Variants in LRP1B observed in about 807,000 individuals in gnomAD.
LRP1B encodes low-density lipoprotein receptor-related protein 1B.
Under a neutral mutation model 556.6 loss-of-function variants are expected in LRP1B, and 217 were observed. The ratio of observed to expected loss-of-function variants is 0.39; its 90% CI spans 0.35 to 0.44. The LOEUF (loss-of-function observed/expected upper bound fraction) is 0.44. LRP1B is among the 20% of genes least tolerant of loss of function. The pLI is 1.00. For missense variants in LRP1B, 5,053 were observed against 5,620.8 expected (o/e 0.90, Z 3.23); for synonymous variants, 2,047 against 1,865.8 (o/e 1.10, Z -2.50).
chr2:141,013,757 A>G lies in LRP1B; in HGVS notation c.2191-12T>C, dbSNP rs1455341769. ...CCACTGTAAACAATCTGTAAAATAT[A>G]AACACATTGTGAAAAATCAGAACTG... On this transcript the variant is annotated splice_polypyrimidine_tract_variant and intron_variant, in intron 13 of 90. Transcript: ENST00000389484. 4.7e-6 allele frequency: 7 copies of G among 1,493,770 alleles called. No individual in the cohort carries two copies. Among genetic ancestry groups the G allele is most frequent in the African/African-American group, 1.4e-5 (1 of 70,046 alleles). 92.5% of individuals were successfully genotyped at this position (1,493,770 alleles called of 1,614,324 possible).
In LRP1B at chr2:141,312,794, T is replaced by C. The variant is rs552179953; in HGVS notation, c.344-58153A>G. On this transcript the variant is annotated intron_variant, in intron 3 of 90. Transcript: ENST00000389484. ...GCCTCTGCCTCCCAGGTTCAAGAGA[T>C]TCTCTTGCCTCAGCCTCCTGAGTAG... Among the ~76,000 whole-genome samples, 4 of 152,172 alleles carry C rather than the reference T, an allele frequency of 2.6e-5. No individual in the cohort carries two copies. The South Asian group carries it at 8.3e-4, about 32-fold the overall frequency.
chr2:140,498,142 TAAAAA>T lies in LRP1B; in HGVS notation c.8851-2399_8851-2395del, dbSNP rs1255591137. Among the ~76,000 whole-genome samples the T allele has an allele frequency of 5.9e-5, 9 of 152,010 alleles. No homozygotes were observed. In the East Asian group the frequency reaches 1.7e-3, roughly 29 times the overall value. Reference sequence around the variant, plus strand: ...TAAGATTAGAATGTTCTCTTTCACTTAAAAAAGACAATTTTTATGAAAGTGAGAAT... The same window carrying T: ...TAAGATTAGAATGTTCTCTTTCACTTAGACAATTTTTATGAAAGTGAGAAT... On this transcript the variant is annotated intron_variant, in intron 55 of 90. Coordinates refer to ENST00000389484, the MANE Select transcript of LRP1B (RefSeq NM_018557.3).
intron 7 of LRP1B, among the ~76,000 whole-genome samples, chr2:141,095,405 C>T (rs1421899796): frequency 2.2e-5 from 2 of 90,200 alleles, no homozygotes; most frequent in Non-Finnish European, 5.3e-5. Context: ...GGGTAGTAAT[C>T]GTAATGAAGT....
chr2:141,329,913 T>G (rs934422671), intron 3 of LRP1B, among the ~76,000 whole-genome samples: 5 of 152,152 alleles, frequency 3.3e-5, no homozygotes, highest in African/African-American at 1.2e-4. Flanking sequence ...AATTTGTGTC[T>G]ACCTACTCTA....
chr2:141,704,116 G>T (rs1692053732), intron 2 of LRP1B, among the ~76,000 whole-genome samples: 1 of 151,924 alleles, frequency 6.6e-6, no homozygotes. Flanking sequence ...AATGAAAAAT[G>T]AGGAACTCAA....
At chr2:141,270,412 T>TTTTCC (rs879703901) in intron 3 of LRP1B, among the ~76,000 whole-genome samples, 236 of 152,196 alleles carry the variant, frequency 1.6e-3, no homozygotes, top group Middle Eastern at 6.8e-3. Flanking sequence ...TATGATATGA[T>TTTTCC]ACACTATTCC....
Position 140,715,962 on chromosome 2 carries a change from C to A in LRP1B, c.6023+11G>T. On this transcript the variant is annotated intron_variant, in intron 37 of 90. Coordinates refer to ENST00000389484, the MANE Select transcript of LRP1B (RefSeq NM_018557.3). Reference sequence around the variant, plus strand: ...TAAAACTTGGAAGATATACGTAAATCTTAAAATTACCCTTTCTCTGGGTGC... The same window carrying A: ...TAAAACTTGGAAGATATACGTAAATATTAAAATTACCCTTTCTCTGGGTGC... 3 of 1,555,506 alleles carry A rather than the reference C, an allele frequency of 1.9e-6. No homozygotes were observed. Among genetic ancestry groups the A allele is most frequent in the South Asian group, 1.2e-5 (1 of 80,950 alleles).
chr2:141,457,140 T>A (rs1681665565), intron 3 of LRP1B, among the ~76,000 whole-genome samples: 1 of 152,168 alleles, frequency 6.6e-6, no homozygotes, highest in South Asian at 2.1e-4. Context: ...GTAGGTGAAT[T>A]CTGGAAGTAG....
intron 3 of LRP1B, among the ~76,000 whole-genome samples, chr2:141,291,521 C>G (rs1259640474): frequency 6.6e-6 from 1 of 151,990 alleles, no homozygotes; most frequent in Non-Finnish European, 1.5e-5. Context: ...ACGGCAAAAT[C>G]TATTTGAAGA....
At chr2:141,895,048 CAAAAAA>C (rs369108197) in intron 1 of LRP1B, among the ~76,000 whole-genome samples, 2 of 78,522 alleles carry the variant, frequency 2.5e-5, no homozygotes, top group Non-Finnish European at 4.9e-5. Context: ...AACTCCATCT[CAAAAAA>C]AAAAAAAAAA....
intron 62 of LRP1B, among the ~76,000 whole-genome samples, chr2:140,453,692 G>C (rs776398821): frequency 6.6e-6 from 1 of 151,966 alleles, no homozygotes; most frequent in Non-Finnish European, 1.5e-5. Context: ...TTAAATATTT[G>C]AAATGACTAG....
At chr2:141,482,510 G>A (rs1682957650) in intron 2 of LRP1B, among the ~76,000 whole-genome samples, 1 of 151,928 alleles carries the variant, frequency 6.6e-6, no homozygotes, top group South Asian at 2.1e-4. Context: ...ATATATATGT[G>A]TGTGTGCATA....
At chr2:142,109,290 C>G (rs1162077568) in intron 1 of LRP1B, among the ~76,000 whole-genome samples, 2 of 152,020 alleles carry the variant, frequency 1.3e-5, no homozygotes, top group African/African-American at 2.4e-5. Context: ...CAACGGTTTC[C>G]CAAAGATTGT....
chr2:142,099,672 T>G (rs762670883), intron 1 of LRP1B, among the ~76,000 whole-genome samples: 3 of 151,944 alleles, frequency 2.0e-5, no homozygotes, highest in African/African-American at 7.2e-5. Context: ...GACCAAATTC[T>G]TCTCTTGGCC....
chr2:141,930,273 A>T (rs1221994763), intron 1 of LRP1B, among the ~76,000 whole-genome samples: 1 of 152,096 alleles, frequency 6.6e-6, no homozygotes, highest in Non-Finnish European at 1.5e-5. Context: ...AATGATTTTA[A>T]GTATTTGAGC....
At chr2:141,295,790 C>CACACAT (rs963472660) in intron 3 of LRP1B, among the ~76,000 whole-genome samples, 3 of 141,308 alleles carry the variant, frequency 2.1e-5, no homozygotes, top group East Asian at 2.0e-4. Flanking sequence ...CACACACACA[C>CACACAT]ATAACAGTGG....
At chr2:141,043,194 C>A (rs1000931798) in intron 11 of LRP1B, among the ~76,000 whole-genome samples, 2 of 141,818 alleles carry the variant, frequency 1.4e-5, no homozygotes, top group Non-Finnish European at 3.0e-5. Flanking sequence ...CAGAGTAAGA[C>A]TCTGTCTCAA....
intron 2 of LRP1B, among the ~76,000 whole-genome samples, chr2:141,573,417 C>A (rs528774042): frequency 6.6e-6 from 1 of 152,074 alleles, no homozygotes; most frequent in East Asian, 1.9e-4. Context: ...AGACAATGTA[C>A]CAGAATTTCT....
intron 3 of LRP1B, among the ~76,000 whole-genome samples, chr2:141,472,373 G>A (rs915119113): frequency 2.6e-5 from 4 of 152,020 alleles, no homozygotes; most frequent in Non-Finnish European, 5.9e-5. Context: ...AATCCCGTCT[G>A]TACTAAAAAT....
Sources: allele counts gnomAD v4.1 joint callset (sites outside exome capture counted in the v4.1 genomes callset), GRCh38; gene constraint gnomAD v4.1.1; transcripts MANE v1.5; gene names NCBI Gene and HGNC (gene_info 2026-07-23, HGNC 2026-07-21).